ABCA13: variants seen among roughly 807,000 people sequenced by gnomAD.
ABCA13 encodes the protein ATP binding cassette subfamily A member 13, also known as ATP-binding cassette sub-family A member 13.
ABCA13 carries 476 observed loss-of-function variants against 478.7 expected under a neutral mutation model. The observed-to-expected ratio is 0.99, with a 90% confidence interval of 0.92 to 1.07. ABCA13 has a LOEUF of 1.07. Ranked by LOEUF, ABCA13 falls within the 50% of genes least tolerant of loss-of-function variation. The pLI is 0.00. For missense variants in ABCA13, 6,060 were observed against 5,910.6 expected, an observed-to-expected ratio of 1.03 and a Z score of -0.83; for synonymous variants, 2,252 against 2,158.9, an observed-to-expected ratio of 1.04 and a Z score of -1.20.
At chr7:48,584,778 A>G (rs1444292585) in intron 56 of ABCA13, among the ~76,000 whole-genome samples, 1 of 152,228 alleles carries the variant, frequency 6.6e-6, no homozygotes, top group Non-Finnish European at 1.5e-5. Flanking sequence ...TTTTGTGACC[A>G]GACATATGAC....
intron 38 of ABCA13, among the ~76,000 whole-genome samples, chr7:48,397,440 T>A (rs1420757629): frequency 6.6e-6 from 1 of 150,972 alleles, no homozygotes; most frequent in Non-Finnish European, 1.5e-5. Flanking sequence ...TTTCAAAGTG[T>A]CAAAAAACTC....
rs537667000 is a variant in ABCA13 at position 48,275,569 on chromosome 7, C to A, written c.5903C>A (p.Thr1968Lys). ...KLKNVNFTKV[T>K]SGENILDKLS... ...AAAAATGTCAACTTTACAAAAGTTA[C>A]ATCAGGTGAAAATATTCTTGACAAA... Residue 1968 changes from threonine (T) to lysine (K), a missense_variant, in exon 17 of 62, where the codon ACA (threonine) becomes AAA (lysine). By Grantham distance (78) the Thr-to-Lys change is moderately conservative. Coordinates refer to ENST00000435803, the MANE Select transcript of ABCA13 (RefSeq NM_152701.5). The A allele has an allele frequency of 2.5e-6, 4 of 1,613,432 alleles. No homozygotes were observed. Among genetic ancestry groups the A allele is most frequent in the Non-Finnish European group, 3.4e-6 (4 of 1,179,742 alleles).
At chr7:48,576,066 A>T (rs145554405) in intron 55 of ABCA13, among the ~76,000 whole-genome samples, 248 of 152,340 alleles carry the variant, frequency 1.6e-3, no homozygotes, top group African/African-American at 5.6e-3. Flanking sequence ...ATTAGGTATT[A>T]TAAGTCATCT....
At chr7:48,617,053 T>A (rs1224816351) in intron 59 of ABCA13, among the ~76,000 whole-genome samples, 1 of 152,032 alleles carries the variant, frequency 6.6e-6, no homozygotes, top group East Asian at 1.9e-4. Flanking sequence ...ATAAAATAAT[T>A]TGTAAAATGC....
intron 1 of ABCA13, among the ~76,000 whole-genome samples, chr7:48,192,172 T>C (rs893524847): frequency 6.6e-6 from 1 of 151,818 alleles, no homozygotes; most frequent in African/African-American, 2.4e-5. Context: ...TTTTGGGCTA[T>C]ACCTTATAGG....
intron 38 of ABCA13, among the ~76,000 whole-genome samples, chr7:48,401,222 C>T (rs907883369): frequency 6.6e-6 from 1 of 152,120 alleles, no homozygotes; most frequent in African/African-American, 2.4e-5. Context: ...ACTAGTAGTA[C>T]CCAGTGTATG....
intron 15 of ABCA13, among the ~76,000 whole-genome samples, chr7:48,262,298 G>T (rs1417175825): frequency 1.3e-5 from 2 of 151,838 alleles, no homozygotes; most frequent in Admixed American, 1.3e-4. Flanking sequence ...GTGGATGCCT[G>T]GCTGGGGTGA....
At chr7:48,228,882 A>G (rs142736316) in intron 6 of ABCA13, among the ~76,000 whole-genome samples, 10 of 152,336 alleles carry the variant, frequency 6.6e-5, no homozygotes, top group Non-Finnish European at 1.3e-4. Flanking sequence ...GAGATGCAAA[A>G]TTTAAAATGA....
intron 19 of ABCA13, among the ~76,000 whole-genome samples, chr7:48,282,039 A>G (rs1287200620): frequency 6.6e-6 from 1 of 152,156 alleles, no homozygotes; most frequent in African/African-American, 2.4e-5. Flanking sequence ...TGCAGTCTGT[A>G]AGCTTACTGG....
At chr7:48,435,141 G>A (rs1381759514) in intron 42 of ABCA13, among the ~76,000 whole-genome samples, 1 of 151,806 alleles carries the variant, frequency 6.6e-6, no homozygotes, top group Non-Finnish European at 1.5e-5. Context: ...CATGAACATA[G>A]ACTATCCTTC....
chr7:48,203,984 T>G (rs1034189743), intron 3 of ABCA13, among the ~76,000 whole-genome samples: 1 of 152,138 alleles, frequency 6.6e-6, no homozygotes, highest in East Asian at 1.9e-4. Flanking sequence ...CCAGACCCCC[T>G]GAGAATCATC....
chr7:48,638,638 T>A (rs1171606391), intron 59 of ABCA13, among the ~76,000 whole-genome samples: 1 of 152,266 alleles, frequency 6.6e-6, no homozygotes, highest in East Asian at 1.9e-4. Context: ...CAAACTTAAC[T>A]GAAGTTGAAA....
chr7:48,492,659 AT>A (rs2130723994), intron 48 of ABCA13, among the ~76,000 whole-genome samples: 1 of 152,244 alleles, frequency 6.6e-6, no homozygotes, highest in Admixed American at 6.5e-5. Context: ...TGGGCTACTT[AT>A]TGCTGTTGCC....
chr7:48,321,811 C>T (rs140164720), intron 27 of ABCA13, among the ~76,000 whole-genome samples: 1 of 152,260 alleles, frequency 6.6e-6, no homozygotes, highest in East Asian at 1.9e-4. Context: ...TGCCAGACCC[C>T]AAGGTTCCAG....
intron 59 of ABCA13, among the ~76,000 whole-genome samples, chr7:48,638,714 G>C (rs1158746795): frequency 6.6e-6 from 1 of 152,178 alleles, no homozygotes; most frequent in Non-Finnish European, 1.5e-5. Context: ...AGCTCTGCTA[G>C]TTAATAAGCT....
chr7:48,635,852 T>C (rs1334455712), intron 59 of ABCA13, among the ~76,000 whole-genome samples: 2 of 152,220 alleles, frequency 1.3e-5, no homozygotes, highest in African/African-American at 4.8e-5. Context: ...ATAACTATAT[T>C]TTTTATCTTG....
chr7:48,544,827 C>A (rs1269445056), intron 55 of ABCA13, among the ~76,000 whole-genome samples: 1 of 151,896 alleles, frequency 6.6e-6, no homozygotes, highest in African/African-American at 2.4e-5. Flanking sequence ...AGGCTTGTGA[C>A]TGGCATCTGA....
chr7:48,590,353 G>A (rs903082532), intron 57 of ABCA13, among the ~76,000 whole-genome samples: 3 of 152,078 alleles, frequency 2.0e-5, no homozygotes, highest in Non-Finnish European at 4.4e-5. Flanking sequence ...AAGAGAGAGA[G>A]AGAGACATAC....
rs138832739 is a variant in ABCA13 at position 48,224,785 on chromosome 7, A to G, written c.469-2477A>G. ...AGAGCGTGTGCTCCCTGATTTAAAA[A>G]AGTCAGCGCCATATTTTAATATTTC... On this transcript the variant is annotated intron_variant, in intron 5 of 61. Coordinates refer to ENST00000435803, the MANE Select transcript of ABCA13 (RefSeq NM_152701.5). Among the ~76,000 whole-genome samples, 377 of 152,292 alleles carry G rather than the reference A, an allele frequency of 2.5e-3. 5 individuals are homozygous for G. The highest frequency in any genetic ancestry group is 8.6e-3 in the African/African-American group (359 of 41,550).
Sources: gnomAD v4.1 joint callset for allele counts (sites outside exome capture counted in the v4.1 genomes callset) on GRCh38, gnomAD v4.1.1 for gene constraint, MANE v1.5 for transcripts, NCBI Gene and HGNC (gene_info 2026-07-23, HGNC 2026-07-21) for gene names.